FRA10AC1: variants seen among roughly 807,000 people sequenced by gnomAD.
The protein encoded by FRA10AC1 is FRA10A associated CGG repeat 1.
FRA10AC1 carries 43 observed loss-of-function variants against 56.5 expected under a neutral mutation model. The observed-to-expected ratio is 0.76, with a 90% CI of 0.60 to 0.98. The LOEUF (loss-of-function observed/expected upper bound fraction) is 0.98, where lower values mean the gene tolerates loss of function less well. Ranked by LOEUF, FRA10AC1 falls within the 50% of genes least tolerant of loss-of-function variation. The pLI, the probability that FRA10AC1 is intolerant of heterozygous loss-of-function variation, is 0.00. For missense variants in FRA10AC1, 346 were observed against 351.8 expected (o/e 0.98, Z 0.13); for synonymous variants, 112 against 110.5 (o/e 1.01, Z -0.09).
intron 2 of FRA10AC1, among the ~76,000 whole-genome samples, chr10:93,699,298 T>C (rs565363800): frequency 2.3e-4 from 35 of 152,144 alleles, no homozygotes; most frequent in African/African-American, 8.2e-4. Context: ...CAGAACCTGT[T>C]AGTATGCCTA....
intron 5 of FRA10AC1, among the ~76,000 whole-genome samples, chr10:93,693,522 TATATAC>T (rs1564820207): frequency 0.011 from 172 of 15,430 alleles, 12 homozygotes; most frequent in African/African-American, 0.024. Flanking sequence ...CATATATATA[TATATAC>T]ACCATATATA....
Position 93,685,634 on chromosome 10 carries a change from A to G in FRA10AC1, c.512-275T>C, listed in dbSNP as rs566717403. On this transcript the variant is annotated intron_variant, in intron 8 of 13. Coordinates refer to ENST00000359204, the MANE Select transcript of FRA10AC1 (RefSeq NM_145246.5). ...TATTAGGGAATCTTACACTTTGGAA[A>G]GACAGTATTAAAGAATGGACATATT... Among the ~76,000 whole-genome samples, 6 of 151,924 alleles carry G rather than the reference A, an allele frequency of 3.9e-5. No individual in the cohort carries two copies. In the South Asian group the frequency reaches 1.2e-3, roughly 32 times the overall value.
intron 13 of FRA10AC1, among the ~76,000 whole-genome samples, chr10:93,670,537 C>T (rs1158978981): frequency 6.6e-6 from 1 of 151,982 alleles, no homozygotes; most frequent in Non-Finnish European, 1.5e-5. Flanking sequence ...AAGCAAGGAC[C>T]AGAGGTTCAT....
At chr10:93,693,512 C>CATATATAT in intron 5 of FRA10AC1, among the ~76,000 whole-genome samples, 1 of 16,316 alleles carries the variant, frequency 6.1e-5, no homozygotes, top group Middle Eastern at 0.042. Context: ...ATATATACAC[C>CATATATAT]ATATATATAT....
chr10:93,685,177 A>C lies in FRA10AC1; in HGVS notation c.625+69T>G. 3 of 737,912 alleles carry C rather than the reference A, an allele frequency of 4.1e-6. No individual in the cohort carries two copies. In the East Asian group the frequency reaches 8.4e-5, roughly 21 times the overall value. 45.7% of individuals were successfully genotyped at this position (737,912 alleles called of 1,614,324 possible). A position where few individuals can be genotyped will look rare whatever the true frequency, so the allele number is the denominator to read the frequency against. ...GTTAAAAATTGCATTTGAATTTTAAAGTCTATATATTTTTAAATTAAAGAC... is the reference window on the plus strand; with the variant it reads ...GTTAAAAATTGCATTTGAATTTTAACGTCTATATATTTTTAAATTAAAGAC... On this transcript the variant is annotated intron_variant, in intron 9 of 13. Transcript: ENST00000359204.
chr10:93,674,970 A>C (rs1277383653), intron 12 of FRA10AC1: 1 of 152,156 alleles, frequency 6.6e-6, no homozygotes, highest in Non-Finnish European at 1.5e-5. Flanking sequence ...ACATTGGTCC[A>C]CTGGTCTTAT....
At chr10:93,675,690 G>T in intron 12 of FRA10AC1, 1 of 361,688 alleles carries the variant, frequency 2.8e-6, no homozygotes. Context: ...GGGTGAAAGA[G>T]CATGACTCCA....
rs752993930 is a variant in FRA10AC1 at position 93,681,505 on chromosome 10, T to C, written c.762A>G (p.Glu254=). 6.4e-7 allele frequency: 1 copy of C among 1,573,226 alleles called. No individual in the cohort carries two copies. The highest frequency in any genetic ancestry group is 8.6e-7 in the Non-Finnish European group (1 of 1,161,316). Residue 254 remains glutamate (E), a synonymous_variant, in exon 11 of 14, where the codon GAA becomes GAG. Coordinates refer to ENST00000359204, the MANE Select transcript of FRA10AC1 (RefSeq NM_145246.5). ...CTTTATCTTTTTTCTTGGAGGCCTC[T>C]TCTGCAGAAGATAATCTGGATTTTT... ...SHKKSRLSSA[E]EASKKKDKGH... is the part of the protein sequence containing the mutation.
intron 5 of FRA10AC1, among the ~76,000 whole-genome samples, chr10:93,693,559 T>TAC: frequency 7.3e-6 from 1 of 136,192 alleles, no homozygotes; most frequent in Admixed American, 7.5e-5. Flanking sequence ...CACACATACA[T>TAC]ACACCATATA....
At chr10:93,697,479 C>A (rs2059252501) in intron 4 of FRA10AC1, among the ~76,000 whole-genome samples, 1 of 152,186 alleles carries the variant, frequency 6.6e-6, no homozygotes, top group African/African-American at 2.4e-5. Flanking sequence ...CCCAAAAATA[C>A]TTCAGTTTTT....
intron 5 of FRA10AC1, among the ~76,000 whole-genome samples, chr10:93,693,503 T>TACC (rs2059164037): frequency 6.0e-5 from 3 of 50,044 alleles, no homozygotes; most frequent in African/African-American, 1.0e-4. Context: ...TATATATATA[T>TACC]ATATACACCA....
At chr10:93,698,217 G>A (rs778044083) in intron 3 of FRA10AC1, 36 bp from the exon 4 acceptor site, 1 of 1,519,022 alleles carries the variant, frequency 6.6e-7, no homozygotes, top group African/African-American at 1.4e-5. Flanking sequence ...AATTCAAAAT[G>A]TTTATATTCA....
At chr10:93,691,936 G>A in intron 7 of FRA10AC1, 73 bp downstream of exon 7, 1 of 1,422,196 alleles carries the variant, frequency 7.0e-7, no homozygotes. Context: ...ATAATGTGGG[G>A]CATGACAGTA....
rs1441597695 is a variant in FRA10AC1, at chr10:93,669,272, G to GT, written c.*553dup. 1 of 152,084 alleles carries GT rather than the reference G, an allele frequency of 6.6e-6. No individual in the cohort carries two copies. The highest frequency in any genetic ancestry group is 2.4e-5 in the African/African-American group (1 of 41,404). 9.4% of individuals were successfully genotyped at this position (152,084 alleles called of 1,614,324 possible). On this transcript the variant is annotated 3_prime_UTR_variant, in exon 14 of 14. Coordinates refer to ENST00000359204, the MANE Select transcript of FRA10AC1 (RefSeq NM_145246.5). ...ACATACATAATATACTTTAATCCTA[G>GT]TAATTTAAAATAATTGGCAGAGCAT...
At position 93,676,707 on chromosome 10, in the gene FRA10AC1, CATTGATTT is replaced by C. The variant is rs2058847443; in HGVS notation, c.788-24_788-17del. 1 of 1,562,802 alleles carries C rather than the reference CATTGATTT, an allele frequency of 6.4e-7. No homozygotes were observed. The highest frequency in any genetic ancestry group is 1.4e-5 in the African/African-American group (1 of 72,404). Reference sequence around the variant, plus strand: ...GATGAATGTCCTGAAAAGGAAACATCATTGATTTATTAACTATCATCTTGTAATAGTGC... The same window carrying C: ...GATGAATGTCCTGAAAAGGAAACATCATTAACTATCATCTTGTAATAGTGC... On this transcript the variant is annotated splice_polypyrimidine_tract_variant and intron_variant, in intron 11 of 13. Transcript: ENST00000359204.
intron 8 of FRA10AC1, among the ~76,000 whole-genome samples, chr10:93,687,102 CTT>C (rs2059043046): frequency 6.6e-6 from 1 of 151,662 alleles, no homozygotes; most frequent in African/African-American, 2.4e-5. Flanking sequence ...AAAAATAAAC[CTT>C]TCTTTTTTGT....
intron 4 of FRA10AC1, among the ~76,000 whole-genome samples, chr10:93,695,748 G>A (rs867525300): frequency 1.3e-5 from 2 of 150,704 alleles, no homozygotes; most frequent in African/African-American, 2.4e-5. Context: ...AAAAAAAAGA[G>A]AGAGACAGAA....
intron 12 of FRA10AC1, chr10:93,671,566 A>C (rs2058762401): frequency 6.2e-6 from 1 of 161,524 alleles, no homozygotes; most frequent in South Asian, 1.8e-4. Flanking sequence ...TAACAACAAC[A>C]ACAAAAAACC....
At chr10:93,671,466 C>G (rs1008658758) in intron 12 of FRA10AC1, 2 of 153,108 alleles carry the variant, frequency 1.3e-5, no homozygotes, top group Non-Finnish European at 2.9e-5. Flanking sequence ...AACGCATACC[C>G]TTTGACCAGC....
Sources: gnomAD v4.1 joint callset for allele counts (sites outside exome capture counted in the v4.1 genomes callset) on GRCh38, gnomAD v4.1.1 for gene constraint, MANE v1.5 for transcripts, NCBI Gene and HGNC (gene_info 2026-07-23, HGNC 2026-07-21) for gene names.